Variants in TXNDC9 observed in about 807,000 individuals in gnomAD.
The protein encoded by TXNDC9 is thioredoxin domain-containing protein 9.
In TXNDC9, 7 loss-of-function variants were observed where a neutral mutation model predicts 23.0. The observed-to-expected ratio is 0.30, with a 90% CI of 0.17 to 0.57. The LOEUF (loss-of-function observed/expected upper bound fraction) is 0.57, where lower values mean the gene tolerates loss of function less well. Among genes scored for constraint, TXNDC9 ranks in the 20% least tolerant of loss-of-function variants. The pLI is 0.90. For synonymous variants in TXNDC9, 72 were observed against 90.6 expected (o/e 0.79, Z 1.17); for missense variants, 198 against 252.6 (o/e 0.78, Z 1.47).
At position 99,327,519 on chromosome 2, in the gene TXNDC9, A is replaced by G; in HGVS notation, c.308+16T>C. On this transcript the variant is annotated intron_variant, in intron 3 of 4. Transcript: ENST00000264255. ...TGTGTTTTTTTAGAAAAAGTCACAG[A>G]TGGAAACAAAGTTACCTGAATGTGG... 1.3e-6 allele frequency: 2 copies of G among 1,558,482 alleles called. No individual in the cohort carries two copies. Among genetic ancestry groups the G allele is most frequent in the Non-Finnish European group, 1.8e-6 (2 of 1,131,534 alleles).
intron 1 of TXNDC9, 24 bp from the exon 2 acceptor site, chr2:99,333,266 C>A: frequency 6.5e-7 from 1 of 1,529,552 alleles, no homozygotes; most frequent in Non-Finnish European, 8.8e-7. Context: ...TTACAAAATA[C>A]ATTTTAAAAA....
At chr2:99,322,277 A>C in intron 3 of TXNDC9, 68 bp from the exon 4 acceptor site, 2 of 1,531,734 alleles carry the variant, frequency 1.3e-6, no homozygotes, top group Non-Finnish European at 1.8e-6. Context: ...AATAAATATC[A>C]TCAAGGGAAA....
intron 2 of TXNDC9, among the ~76,000 whole-genome samples, chr2:99,331,627 A>G (rs2094225792): frequency 6.6e-6 from 1 of 152,214 alleles, no homozygotes; most frequent in African/African-American, 2.4e-5. Flanking sequence ...AAATATAAAA[A>G]TTTGGACTCA....
the TXNDC9 span, among the ~76,000 whole-genome samples, chr2:99,311,200 A>C: frequency 1.6e-4 from 24 of 151,992 alleles, no homozygotes; most frequent in Non-Finnish European, 2.8e-4. Context: ...TAATGTTTAA[A>C]TTTTGTTTTC....
At chr2:99,320,204 C>T (rs1378749294) in intron 4 of TXNDC9, among the ~76,000 whole-genome samples, 1 of 152,130 alleles carries the variant, frequency 6.6e-6, no homozygotes, top group Non-Finnish European at 1.5e-5. Flanking sequence ...GATGACATCT[C>T]ACTACATTGC....
downstream of TXNDC9, among the ~76,000 whole-genome samples, chr2:99,315,186 C>T (rs909758183): frequency 6.6e-6 from 1 of 151,848 alleles, no homozygotes; most frequent in African/African-American, 2.4e-5. Flanking sequence ...CCGCAGTCTC[C>T]TGAGTAGCTG....
In TXNDC9 at chr2:99,321,957, G is replaced by A. The variant is rs757533842; in HGVS notation, c.561C>T (p.Tyr187=). The change falls in exon 4 of 5, where the codon TAC becomes TAT. Residue 187 remains tyrosine, a splice_region_variant and synonymous_variant. Transcript: ENST00000264255. Reference sequence around the variant, plus strand: ...TCTCTTCTTTTGTTAAAAGTTACCTGTAATTAAGAATGTCAGAAGAACCGA... The same window carrying A: ...TCTCTTCTTTTGTTAAAAGTTACCTATAATTAAGAATGTCAGAAGAACCGA... ...WRLGSSDILN[Y]SGNLMEPPFQ... is the part of the protein sequence containing the mutation. 6.2e-7 allele frequency: 1 copy of A among 1,604,220 alleles called. No individual in the cohort carries two copies. Among genetic ancestry groups the A allele is most frequent in the Non-Finnish European group, 8.5e-7 (1 of 1,175,366 alleles).
the TXNDC9 span, among the ~76,000 whole-genome samples, chr2:99,308,992 G>A: frequency 3.9e-5 from 6 of 151,954 alleles, no homozygotes; most frequent in Admixed American, 6.6e-5. Context: ...GTAAGCAGCC[G>A]TGCCTGGCCA....
In TXNDC9 at chr2:99,322,459, T is replaced by C. The variant is rs867341770; in HGVS notation, c.309-250A>G. 6.3e-5 allele frequency: 82 copies of C among 1,309,376 alleles called. No individual in the cohort carries two copies. In the African/African-American group the frequency reaches 9.1e-4, roughly 15 times the overall value. 81.1% of individuals were successfully genotyped at this position (1,309,376 alleles called of 1,614,324 possible). On this transcript the variant is annotated intron_variant, in intron 3 of 4. Coordinates refer to ENST00000264255, the MANE Select transcript of TXNDC9 (RefSeq NM_005783.4). The stretch of plus-strand genomic sequence containing the variant: ...ATTAATGATATTCTCTTTTAAAATA[T>C]TAAATATATGCTTTAAGTCATAAAG...
chr2:99,335,803 T>C (rs1248960452), intron 1 of TXNDC9, among the ~76,000 whole-genome samples: 2 of 151,914 alleles, frequency 1.3e-5, no homozygotes, highest in Non-Finnish European at 2.9e-5. Flanking sequence ...GGTCAGAGCA[T>C]TGAGAATGGG....
At chr2:99,315,625 T>TA (rs1266270600), downstream of TXNDC9, among the ~76,000 whole-genome samples, 2 of 152,230 alleles carry the variant, frequency 1.3e-5, no homozygotes, top group African/African-American at 4.8e-5. Flanking sequence ...ATATTCCTCT[T>TA]AGAGTTTTAT....
chr2:99,335,899 G>A (rs2094238386), intron 1 of TXNDC9, among the ~76,000 whole-genome samples: 1 of 152,214 alleles, frequency 6.6e-6, no homozygotes, highest in African/African-American at 2.4e-5. Context: ...CCGCTGGAAG[G>A]GTGGGACGGG....
chr2:99,313,937 C>T, the TXNDC9 span, among the ~76,000 whole-genome samples: 1 of 152,078 alleles, frequency 6.6e-6, no homozygotes, highest in Non-Finnish European at 1.5e-5. Flanking sequence ...ATGGGTTTTC[C>T]AGTGTAGTTA....
the TXNDC9 span, among the ~76,000 whole-genome samples, chr2:99,310,541 ACC>A: frequency 6.6e-6 from 1 of 152,166 alleles, no homozygotes; most frequent in East Asian, 1.9e-4. Flanking sequence ...ACTCCCTGGA[ACC>A]TATGTACATG....
the TXNDC9 span, among the ~76,000 whole-genome samples, chr2:99,313,281 G>T: frequency 6.6e-6 from 1 of 152,224 alleles, no homozygotes; most frequent in African/African-American, 2.4e-5. Flanking sequence ...TGTTGGCCAG[G>T]TTGGTCTTGA....
At position 99,322,055 on chromosome 2, in the gene TXNDC9, G is replaced by T; in HGVS notation, c.463C>A (p.Gln155Lys). 1 of 1,614,094 alleles carries T rather than the reference G, an allele frequency of 6.2e-7. No individual in the cohort carries two copies. Among genetic ancestry groups the T allele is most frequent in the Non-Finnish European group, 8.5e-7 (1 of 1,180,000 alleles). The part of the protein sequence containing the change: ...TLALLKDGKT[Q>K]DYVVGFTDLG... ...TCAGTAAACCCAACAACATAATCTT[G>T]TGTTTTCCCATCTTTTAGCAGTGCT... The change falls in exon 4 of 5, where the codon CAA becomes AAA. Residue 155 changes from glutamine to lysine, a missense_variant. Transcript: ENST00000264255.
intron 2 of TXNDC9, 28 bp from the exon 3 acceptor site, chr2:99,327,681 A>C (rs1423543968): frequency 7.2e-7 from 1 of 1,394,274 alleles, no homozygotes. Context: ...AAAACATTAC[A>C]CATGTGAGAT....
the TXNDC9 span, among the ~76,000 whole-genome samples, chr2:99,309,950 G>C: frequency 2.2e-4 from 33 of 152,262 alleles, no homozygotes; most frequent in African/African-American, 7.9e-4. Context: ...CTCCTAAAGC[G>C]CTGGGATTAC....
intron 2 of TXNDC9, chr2:99,332,615 T>C (rs1574910235): frequency 6.2e-6 from 1 of 160,798 alleles, no homozygotes; most frequent in African/African-American, 2.4e-5. Context: ...AATTATTTCA[T>C]TGGAAATGCC....
Sources: allele counts gnomAD v4.1 joint callset (sites outside exome capture counted in the v4.1 genomes callset), GRCh38; gene constraint gnomAD v4.1.1; transcripts MANE v1.5; gene names NCBI Gene and HGNC (gene_info 2026-07-23, HGNC 2026-07-21).